Variants in TGFBR2 observed in about 807,000 individuals in gnomAD.
TGFBR2 encodes the protein TGF-beta receptor type-2.
A neutral mutation model predicts 49.0 loss-of-function variants in TGFBR2; 18 were observed. That is an observed-to-expected ratio of 0.37 (90% CI 0.25 to 0.54). The LOEUF is 0.54. Ranked by LOEUF, TGFBR2 falls within the 20% of genes least tolerant of loss-of-function variation. The pLI is 0.85. For missense variants in TGFBR2, 525 were observed against 722.6 expected, an observed-to-expected ratio of 0.73 and a Z score of 3.13; for synonymous variants, 282 against 275.9, an observed-to-expected ratio of 1.02 and a Z score of -0.22.
intron 1 of TGFBR2, among the ~76,000 whole-genome samples, chr3:30,636,301 G>T (rs1698531035): frequency 6.6e-6 from 1 of 151,912 alleles, no homozygotes. Context: ...TATTGATTAT[G>T]TCATTCTTGA....
intron 3 of TGFBR2, among the ~76,000 whole-genome samples, chr3:30,657,643 G>A (rs886591867): frequency 6.6e-6 from 1 of 152,184 alleles, no homozygotes; most frequent in Non-Finnish European, 1.5e-5. Context: ...AGCACTTAAT[G>A]AATTTTGACT....
At chr3:30,690,680 A>G (rs760111123) in intron 6 of TGFBR2, among the ~76,000 whole-genome samples, 2 of 152,236 alleles carry the variant, frequency 1.3e-5, no homozygotes, top group Non-Finnish European at 2.9e-5. Flanking sequence ...GAAAAGGCAA[A>G]AACTACAGAG....
chr3:30,623,880 G>C (rs575890862), intron 1 of TGFBR2, among the ~76,000 whole-genome samples: 1 of 152,330 alleles, frequency 6.6e-6, no homozygotes, highest in South Asian at 2.1e-4. Flanking sequence ...TGTGGCTCAT[G>C]CCTGTAATCC....
chr3:30,691,842 AT>A lies in TGFBR2; in HGVS notation c.*248del. 1 of 518,712 alleles carries A rather than the reference AT, an allele frequency of 1.9e-6. No homozygotes were observed. Among genetic ancestry groups the A allele is most frequent in the South Asian group, 2.2e-5 (1 of 46,002 alleles). 32.1% of individuals were successfully genotyped at this position (518,712 alleles called of 1,614,324 possible). A position where few individuals can be genotyped will look rare whatever the true frequency, so the allele number is the denominator to read the frequency against. On this transcript the variant is annotated 3_prime_UTR_variant, in exon 7 of 7. Transcript: ENST00000295754. ...AGCACTTCCTCAGGAAATGAGATTG[AT>A]TTTTACAATAGCCAATAACATTTGC...
Position 30,650,303 on chromosome 3 carries a change from A to T in TGFBR2, c.297A>T (p.Thr99=), listed in dbSNP as rs727504343. ...ATGACGAGAACATAACACTAGAGAC[A>T]GTTTGCCATGACCCCAAGCTCCCCT... ...RKNDENITLE[T]VCHDPKLPYH... The change falls in exon 3 of 7, where the codon ACA becomes ACT. Residue 99 remains threonine, a synonymous_variant. Transcript: ENST00000295754. 1.2e-6 allele frequency: 2 copies of T among 1,614,002 alleles called. No homozygotes were observed. The highest frequency in any genetic ancestry group is 4.5e-5 in the East Asian group (2 of 44,882).
At chr3:30,621,408 G>C (rs1277512912) in intron 1 of TGFBR2, among the ~76,000 whole-genome samples, 3 of 149,806 alleles carry the variant, frequency 2.0e-5, no homozygotes, top group Non-Finnish European at 3.0e-5. Context: ...AGCCTCCCGA[G>C]TAGCTGGGAT....
rs1244285266 is a variant in TGFBR2, at chr3:30,693,770, CT to C, written c.*2172del. On this transcript the variant is annotated 3_prime_UTR_variant, in exon 7 of 7. Coordinates refer to ENST00000295754, the MANE Select transcript of TGFBR2 (RefSeq NM_003242.6). ...GAGATATTCAAGATTCAAGAGTATTCTCACTTCTGGGTTATCAGCATAAACT... is the reference window on the plus strand; with the variant it reads ...GAGATATTCAAGATTCAAGAGTATTCCACTTCTGGGTTATCAGCATAAACT... The C allele has an allele frequency of 4.3e-6, 1 of 233,394 alleles. No homozygotes were observed. Among genetic ancestry groups the C allele is most frequent in the Non-Finnish European group, 8.5e-6 (1 of 117,926 alleles). The allele number at this position is 233,394 out of a possible 1,614,324, so 14.5% of individuals were successfully genotyped here.
chr3:30,608,464 C>T (rs971036891), intron 1 of TGFBR2, among the ~76,000 whole-genome samples: 2 of 152,138 alleles, frequency 1.3e-5, no homozygotes, highest in Non-Finnish European at 1.5e-5. Context: ...TTGGAGATGA[C>T]CCATGTAGAC....
Position 30,606,988 on chromosome 3 carries a change from C to A in TGFBR2, c.94+11C>A. 6.3e-7 allele frequency: 1 copy of A among 1,582,182 alleles called. No homozygotes were observed. Among genetic ancestry groups the A allele is most frequent in the Non-Finnish European group, 8.6e-7 (1 of 1,164,084 alleles). On this transcript the variant is annotated intron_variant, in intron 1 of 6. Coordinates refer to ENST00000295754, the MANE Select transcript of TGFBR2 (RefSeq NM_003242.6). ...ACGTTCAGAAGTCGGGTGAGTGGTCCCCAGCCCGGGCTCGGCGGGGCGCCG... is the reference window on the plus strand; with the variant it reads ...ACGTTCAGAAGTCGGGTGAGTGGTCACCAGCCCGGGCTCGGCGGGGCGCCG...
rs2125438960 is a variant in TGFBR2, at chr3:30,674,152, G to A, written c.1302G>A (p.Met434Ile). The change falls in exon 5 of 7, where the codon ATG becomes ATA. Residue 434 changes from methionine to isoleucine, a missense_variant. Physicochemically the swap from Met to Ile is conservative, Grantham distance 10 (BLOSUM62 1). Transcript: ENST00000295754. ...CTCCAGAAGTCCTAGAATCCAGGAT[G>A]AATTTGGAGAATGTTGAGTCCTTCA... ...YMAPEVLESR[M>I]NLENVESFKQ... The A allele has an allele frequency of 6.2e-7, 1 of 1,614,178 alleles. No individual in the cohort carries two copies. The highest frequency in any genetic ancestry group is 1.1e-5 in the South Asian group (1 of 91,082).
Position 30,692,519 on chromosome 3 carries a change from G to A in TGFBR2, c.*920G>A. ...TTTTTCATCTTTCCCCTGCACTTAT[G>A]TTACTATTCTCTGCTCCCAGCCTTC... On this transcript the variant is annotated 3_prime_UTR_variant, in exon 7 of 7. Transcript: ENST00000295754. The A allele has an allele frequency of 4.3e-6, 1 of 232,994 alleles. No individual in the cohort carries two copies. Among genetic ancestry groups the A allele is most frequent in the Middle Eastern group, 1.3e-3 (1 of 782 alleles). 14.4% of individuals were successfully genotyped at this position (232,994 alleles called of 1,614,324 possible).
At chr3:30,656,465 G>A (rs911470769) in intron 3 of TGFBR2, among the ~76,000 whole-genome samples, 1 of 152,244 alleles carries the variant, frequency 6.6e-6, no homozygotes, top group African/African-American at 2.4e-5. Flanking sequence ...ACAAGATACT[G>A]TTTTGAACTG....
At chr3:30,612,771 G>C (rs1285145863) in intron 1 of TGFBR2, among the ~76,000 whole-genome samples, 1 of 152,152 alleles carries the variant, frequency 6.6e-6, no homozygotes. Flanking sequence ...ATGAGGGCAA[G>C]AAGAGCCGAC....
intron 3 of TGFBR2, among the ~76,000 whole-genome samples, chr3:30,667,152 C>T (rs1438804581): frequency 6.6e-6 from 1 of 152,220 alleles, no homozygotes; most frequent in Admixed American, 6.5e-5. Flanking sequence ...GTTTCTACCT[C>T]ATAGGGTTTT....
At chr3:30,620,113 G>A (rs1263955408) in intron 1 of TGFBR2, among the ~76,000 whole-genome samples, 2 of 152,160 alleles carry the variant, frequency 1.3e-5, no homozygotes, top group Non-Finnish European at 2.9e-5. Context: ...CGTGAACCTG[G>A]GAGGCGGAGT....
chr3:30,622,775 G>T (rs184603153), intron 1 of TGFBR2, among the ~76,000 whole-genome samples: 2 of 148,636 alleles, frequency 1.3e-5, no homozygotes, highest in Admixed American at 1.4e-4. Flanking sequence ...AGCTACTCAG[G>T]AAGCTGAGCC....
chr3:30,621,082 G>A (rs1346910016), intron 1 of TGFBR2, among the ~76,000 whole-genome samples: 4 of 152,036 alleles, frequency 2.6e-5, no homozygotes, highest in Admixed American at 6.6e-5. Context: ...GGTACCACAA[G>A]TAGTGTTCTC....
chr3:30,660,973 GAGAGAGGATGTA>G (rs1442232613), intron 3 of TGFBR2, among the ~76,000 whole-genome samples: 1 of 152,206 alleles, frequency 6.6e-6, no homozygotes, highest in African/African-American at 2.4e-5. Context: ...GCCAGGGAGA[GAGAGAGGATGTA>G]TTCTGGTGAC....
chr3:30,680,396 A>G (rs1049244971), intron 5 of TGFBR2, among the ~76,000 whole-genome samples: 10 of 152,320 alleles, frequency 6.6e-5, no homozygotes, highest in African/African-American at 2.4e-4. Context: ...CCCTAAAGAT[A>G]TATTTATTCA....
Sources: allele counts gnomAD v4.1 joint callset (sites outside exome capture counted in the v4.1 genomes callset), GRCh38; gene constraint gnomAD v4.1.1; transcripts MANE v1.5; gene names NCBI Gene and HGNC (gene_info 2026-07-23, HGNC 2026-07-21).